Variants in MYOM2 observed in about 807,000 individuals in gnomAD.
MYOM2 encodes myomesin 2.
MYOM2 carries 254 observed loss-of-function variants against 187.6 expected under a neutral mutation model. The ratio of observed to expected loss-of-function variants is 1.35; its 90% confidence interval spans 1.22 to 1.50. The LOEUF (loss-of-function observed/expected upper bound fraction) is 1.50. MYOM2 is among the 40% of genes most tolerant of loss of function. MYOM2 has a pLI of 0.00. For synonymous variants in MYOM2, 981 were observed against 753.8 expected (o/e 1.30, Z -4.94); for missense variants, 2,796 against 1,924.0 (o/e 1.45, Z -8.48).
chr8:2,092,233 C>T (rs1796328462), intron 15 of MYOM2, 113 bp from the exon 16 acceptor site: 2 of 1,301,486 alleles, frequency 1.5e-6, no homozygotes, highest in Non-Finnish European at 2.1e-6. Flanking sequence ...TGAATTTCTT[C>T]CAAAGCCCCC....
rs571641809 is a variant in MYOM2, at chr8:2,078,799, C to T, written c.1328C>T (p.Pro443Leu). 2.2e-5 allele frequency: 35 copies of T among 1,614,122 alleles called. No homozygotes were observed. Among genetic ancestry groups the T allele is most frequent in the South Asian group, 4.4e-5 (4 of 91,074 alleles). Residue 443 changes from proline (P) to leucine (L), a missense_variant, in exon 12 of 37, where the codon CCG becomes CTG. By Grantham distance (98) the Pro-to-Leu change is moderately conservative. Transcript: ENST00000262113. ...NDAPVKICKY[P>L]VTGLFEGRSY... ...GCACCGGTGAAAATCTGCAAATACC[C>T]GGTCACAGGGCTTTTTGAAGGAAGG...
At chr8:2,137,544 G>A (rs1798122953) in intron 32 of MYOM2, among the ~76,000 whole-genome samples, 1 of 149,202 alleles carries the variant, frequency 6.7e-6, no homozygotes, top group South Asian at 2.1e-4. Context: ...AGCACACATA[G>A]CCAAGTTGGC....
At chr8:2,075,422 A>T (rs117256109) in intron 10 of MYOM2, among the ~76,000 whole-genome samples, 2,889 of 152,270 alleles carry the variant, frequency 0.019, 31 homozygotes, top group Non-Finnish European at 0.029. Context: ...TTTGAATGTG[A>T]GAGGAAACCA....
At chr8:2,077,083 G>A (rs889998944) in intron 11 of MYOM2, among the ~76,000 whole-genome samples, 3 of 152,132 alleles carry the variant, frequency 2.0e-5, no homozygotes, top group African/African-American at 4.8e-5. Flanking sequence ...AGGCCAACGC[G>A]GGCGGATTAC....
At chr8:2,076,781 C>G (rs78321277) in intron 11 of MYOM2, 3 of 153,208 alleles carry the variant, frequency 2.0e-5, no homozygotes, top group African/African-American at 4.8e-5. Flanking sequence ...TCTTGAGCTT[C>G]GAAATACTGG....
chr8:2,141,024 T>G (rs1798256434), intron 33 of MYOM2, 117 bp from the exon 34 acceptor site: 2 of 1,325,842 alleles, frequency 1.5e-6, no homozygotes, highest in Non-Finnish European at 2.0e-6. Flanking sequence ...AAAAATAAAT[T>G]TATTCTTTTT....
rs142854260 is a variant in MYOM2 at position 2,046,808 on chromosome 8, T to C, written c.-13+1640T>C. On this transcript the variant is annotated intron_variant, in intron 1 of 36. Transcript: ENST00000262113. ...GGTATTTAACACATGTCTGAGATAG[T>C]TCCTTAAAAAGGAAAACAGCTTTCT... Among the ~76,000 whole-genome samples the C allele has an allele frequency of 1.9e-3, 293 of 151,232 alleles. 2 individuals carry two copies. The highest frequency in any genetic ancestry group is 6.9e-3 in the African/African-American group (284 of 41,262).
chr8:2,093,582 C>T lies in MYOM2; in HGVS notation c.2004-388C>T, dbSNP rs139659959. On this transcript the variant is annotated intron_variant, in intron 16 of 36. Transcript: ENST00000262113. ...CAAAGCCCCAGTATTCGAGCCTAGT[C>T]CATCTGACTTCCAAGTCTTGGCCTG... Among the ~76,000 whole-genome samples, 85 of 152,326 alleles carry T rather than the reference C, an allele frequency of 5.6e-4. 1 individual carries two copies. Among genetic ancestry groups the T allele is most frequent in the Non-Finnish European group, 9.0e-4 (61 of 68,030 alleles).
chr8:2,065,251 T>G (rs374130879), intron 6 of MYOM2, among the ~76,000 whole-genome samples: 11 of 152,036 alleles, frequency 7.2e-5, no homozygotes, highest in East Asian at 1.9e-4. Context: ...GAAGGAGAAT[T>G]TGAGGCTGGC....
intron 17 of MYOM2, among the ~76,000 whole-genome samples, chr8:2,095,913 C>T (rs908175469): frequency 6.6e-6 from 1 of 152,196 alleles, no homozygotes; most frequent in African/African-American, 2.4e-5. Flanking sequence ...CGCCAAGCTT[C>T]TTTCAAGGGG....
intron 31 of MYOM2, 80 bp downstream of exon 31, chr8:2,124,297 A>G (rs977209164): frequency 2.1e-6 from 3 of 1,396,340 alleles, no homozygotes; most frequent in African/African-American, 2.8e-5. Flanking sequence ...CACTGCTGCA[A>G]AAGAGGGCAC....
intron 31 of MYOM2, among the ~76,000 whole-genome samples, chr8:2,126,690 GGGAGGCTGAT>G (rs1465747044): frequency 6.8e-6 from 1 of 147,172 alleles, no homozygotes; most frequent in Non-Finnish European, 1.5e-5. Flanking sequence ...GGAGCACTGA[GGGAGGCTGAT>G]GGAGGCTGGG....
rs1425299076 is a variant in MYOM2 at position 2,145,088 on chromosome 8, C to G, written c.*107C>G. The G allele has an allele frequency of 1.7e-6, 2 of 1,210,836 alleles. No homozygotes were observed. Among genetic ancestry groups the G allele is most frequent in the East Asian group, 2.5e-5 (1 of 39,814 alleles). The allele number at this position is 1,210,836 out of a possible 1,614,324, so 75.0% of individuals were successfully genotyped here. On this transcript the variant is annotated 3_prime_UTR_variant, in exon 37 of 37. Transcript: ENST00000262113. ...GCATCCGAGTGGTGTCCTGTGTGGG[C>G]TGATAGTTGATCACACATTGTGCTT...
chr8:2,137,049 A>G (rs1374915076), intron 32 of MYOM2, among the ~76,000 whole-genome samples: 1 of 151,830 alleles, frequency 6.6e-6, no homozygotes, highest in East Asian at 1.9e-4. Flanking sequence ...CCACGGAAGA[A>G]TTTCTAGTCT....
intron 31 of MYOM2, among the ~76,000 whole-genome samples, chr8:2,125,306 T>C (rs1185323136): frequency 6.6e-6 from 1 of 152,216 alleles, no homozygotes; most frequent in Non-Finnish European, 1.5e-5. Flanking sequence ...CTTCTGCATG[T>C]GGATATTCAG....
chr8:2,100,847 C>T, intron 19 of MYOM2, 29 bp from the exon 20 acceptor site: 3 of 1,612,836 alleles, frequency 1.9e-6, no homozygotes, highest in Non-Finnish European at 2.5e-6. Flanking sequence ...GCTATGCGCG[C>T]AGAAACAAGG....
At position 2,106,233 on chromosome 8, in the gene MYOM2, C is replaced by T; in HGVS notation, c.2735-9C>T. 1 of 1,613,866 alleles carries T rather than the reference C, an allele frequency of 6.2e-7. No homozygotes were observed. Among genetic ancestry groups the T allele is most frequent in the Non-Finnish European group, 8.5e-7 (1 of 1,179,858 alleles). On this transcript the variant is annotated splice_polypyrimidine_tract_variant and intron_variant, in intron 21 of 36. Transcript: ENST00000262113. ...CCTAAGCCGCTCACTTCATACTCTT[C>T]TTATGCAGGCACCAAGGAAATCAGT... is the stretch of plus-strand genomic sequence containing the variant.
chr8:2,135,952 G>A (rs780707923), intron 32 of MYOM2, among the ~76,000 whole-genome samples: 3 of 152,048 alleles, frequency 2.0e-5, no homozygotes, highest in Non-Finnish European at 2.9e-5. Context: ...CTGAAGCTGG[G>A]AGTGGGAAGC....
At chr8:2,115,779 C>G (rs1313624189) in intron 25 of MYOM2, among the ~76,000 whole-genome samples, 181 bp from the exon 26 acceptor site, 1 of 152,206 alleles carries the variant, frequency 6.6e-6, no homozygotes, top group Non-Finnish European at 1.5e-5. Flanking sequence ...CACTGAGTGA[C>G]AGCTCATACC....
Sources: gnomAD v4.1 joint callset for allele counts (sites outside exome capture counted in the v4.1 genomes callset) on GRCh38, gnomAD v4.1.1 for gene constraint, MANE v1.5 for transcripts, NCBI Gene and HGNC (gene_info 2026-07-23, HGNC 2026-07-21) for gene names.